Variants in ATP8A2 observed in about 807,000 individuals in gnomAD.
ATP8A2 encodes the protein phospholipid-transporting ATPase IB.
Under a neutral mutation model 165.6 loss-of-function variants are expected in ATP8A2, and 100 were observed. The observed-to-expected ratio is 0.60, with a 90% CI of 0.51 to 0.71. The LOEUF (loss-of-function observed/expected upper bound fraction) is 0.71, where lower values mean the gene tolerates loss of function less well. ATP8A2 is among the 30% of genes least tolerant of loss of function. ATP8A2 has a pLI of 0.00. For synonymous variants in ATP8A2, 543 were observed against 548.8 expected (o/e 0.99, Z 0.15); for missense variants, 1,227 against 1,479.5 (o/e 0.83, Z 2.80).
intron 28 of ATP8A2, among the ~76,000 whole-genome samples, chr13:25,832,664 C>T (rs561973109): frequency 6.6e-6 from 1 of 152,232 alleles, no homozygotes; most frequent in East Asian, 1.9e-4. Context: ...AAAATAAGAA[C>T]TCTAAATAAA....
At chr13:25,484,381 C>T (rs1043438445) in intron 2 of ATP8A2, among the ~76,000 whole-genome samples, 1 of 152,226 alleles carries the variant, frequency 6.6e-6, no homozygotes, top group Non-Finnish European at 1.5e-5. Flanking sequence ...TTGTTTGGGA[C>T]CATCAACTTT....
chr13:25,998,349 G>T (rs989716039), intron 35 of ATP8A2, among the ~76,000 whole-genome samples: 1 of 152,172 alleles, frequency 6.6e-6, no homozygotes, highest in Non-Finnish European at 1.5e-5. Context: ...CCCCATAAGG[G>T]TGTTGGAGAG....
chr13:25,892,504 C>CTCT (rs1593514953), intron 33 of ATP8A2, among the ~76,000 whole-genome samples: 2 of 149,230 alleles, frequency 1.3e-5, no homozygotes, highest in African/African-American at 5.1e-5. Flanking sequence ...CTCTCTCTCT[C>CTCT]CTTCCACCTG....
At chr13:25,975,301 C>T (rs545022727) in intron 35 of ATP8A2, among the ~76,000 whole-genome samples, 3 of 152,252 alleles carry the variant, frequency 2.0e-5, no homozygotes, top group Admixed American at 6.5e-5. Context: ...CGACCGGTTG[C>T]GGTGGCTCAC....
intron 24 of ATP8A2, among the ~76,000 whole-genome samples, chr13:25,684,824 A>G (rs113103455): frequency 0.015 from 2,243 of 152,178 alleles, 56 homozygotes; most frequent in African/African-American, 0.051. Flanking sequence ...ATCATTTCCC[A>G]CGTATTCCTG....
chr13:25,445,375 C>T (rs17082322), intron 1 of ATP8A2, among the ~76,000 whole-genome samples: 1,877 of 152,268 alleles, frequency 0.012, 40 homozygotes, highest in African/African-American at 0.043. Flanking sequence ...CCTGGTAGCA[C>T]CTGGCGTTCT....
At chr13:25,421,318 A>G (rs2034292193) in intron 1 of ATP8A2, among the ~76,000 whole-genome samples, 1 of 152,164 alleles carries the variant, frequency 6.6e-6, no homozygotes, top group African/African-American at 2.4e-5. Flanking sequence ...TGTTTCTCTA[A>G]AACTTGTAGT....
At chr13:25,968,771 T>G in intron 35 of ATP8A2, 92 bp downstream of exon 35, 8 of 1,038,370 alleles carry the variant, frequency 7.7e-6, no homozygotes, top group Non-Finnish European at 1.2e-5. Context: ...CATCTTGGTT[T>G]TCGATGGGAG....
At chr13:25,439,132 C>G (rs935970120) in intron 1 of ATP8A2, among the ~76,000 whole-genome samples, 3 of 152,224 alleles carry the variant, frequency 2.0e-5, no homozygotes, top group East Asian at 1.9e-4. Context: ...CCACATCCCC[C>G]ACAACATCCC....
intron 24 of ATP8A2, among the ~76,000 whole-genome samples, chr13:25,617,156 C>T (rs1350040318): frequency 6.6e-6 from 1 of 152,182 alleles, no homozygotes; most frequent in African/African-American, 2.4e-5. Context: ...GAAAATCTCA[C>T]TGCACTTGCA....
At chr13:25,939,313 C>G (rs1955003126) in intron 33 of ATP8A2, among the ~76,000 whole-genome samples, 1 of 152,192 alleles carries the variant, frequency 6.6e-6, no homozygotes, top group Admixed American at 6.5e-5. Flanking sequence ...AGCTTCCAAT[C>G]TATGGATCTG....
chr13:25,392,169 A>G (rs190717205), intron 1 of ATP8A2, among the ~76,000 whole-genome samples: 81 of 152,360 alleles, frequency 5.3e-4, no homozygotes, highest in African/African-American at 1.8e-3. Flanking sequence ...TAGTCAGAAG[A>G]ACTTTCTGTT....
At chr13:25,716,158 C>G (rs559428942) in intron 25 of ATP8A2, among the ~76,000 whole-genome samples, 2 of 152,144 alleles carry the variant, frequency 1.3e-5, no homozygotes, top group African/African-American at 4.8e-5. Context: ...ATCCTTTGCC[C>G]GTTTTTAAAT....
intron 33 of ATP8A2, among the ~76,000 whole-genome samples, chr13:25,902,418 G>T (rs77456431): frequency 0.04 from 6,151 of 152,088 alleles, 249 homozygotes; most frequent in East Asian, 0.18. Flanking sequence ...AGGACATCTA[G>T]CTTCTATCCA....
chr13:25,961,444 T>G, intron 33 of ATP8A2, 131 bp from the exon 34 acceptor site: 1 of 693,892 alleles, frequency 1.4e-6, no homozygotes, highest in Non-Finnish European at 2.5e-6. Flanking sequence ...TGCCAGTGCA[T>G]GGGTTACCTC....
At chr13:25,647,399 C>G (rs2041700792) in intron 24 of ATP8A2, among the ~76,000 whole-genome samples, 1 of 152,154 alleles carries the variant, frequency 6.6e-6, no homozygotes, top group Non-Finnish European at 1.5e-5. Flanking sequence ...TTTTTTCCCC[C>G]TTCACTTTGA....
intron 25 of ATP8A2, among the ~76,000 whole-genome samples, chr13:25,700,777 C>T (rs1161132788): frequency 1.3e-5 from 2 of 152,140 alleles, no homozygotes; most frequent in South Asian, 2.1e-4. Flanking sequence ...TGAGGAACTG[C>T]GAGATGGTTT....
intron 25 of ATP8A2, among the ~76,000 whole-genome samples, chr13:25,730,062 G>A (rs921130022): frequency 6.8e-6 from 1 of 147,224 alleles, no homozygotes; most frequent in Admixed American, 6.7e-5. Context: ...GGCCGAGGTG[G>A]GCAGATTGCT....
In ATP8A2 at chr13:25,532,719, T is replaced by G. The variant is rs564719811; in HGVS notation, c.466+402T>G. On this transcript the variant is annotated intron_variant, in intron 5 of 36. Transcript: ENST00000381655. The stretch of plus-strand genomic sequence containing the variant: ...CTCACTCCTGTTGCCCAGGCTGGAC[T>G]ACAGTGGCATGATCATGGCTCACTG... Among the ~76,000 whole-genome samples, 249 of 152,318 alleles carry G rather than the reference T, an allele frequency of 1.6e-3. 1 individual carries two copies. The highest frequency in any genetic ancestry group is 5.5e-3 in the African/African-American group (230 of 41,570).
Sources: gnomAD v4.1 joint callset for allele counts (sites outside exome capture counted in the v4.1 genomes callset) on GRCh38, gnomAD v4.1.1 for gene constraint, MANE v1.5 for transcripts, NCBI Gene and HGNC (gene_info 2026-07-23, HGNC 2026-07-21) for gene names.